FANCD2OS: variants seen among roughly 807,000 people sequenced by gnomAD.
FANCD2OS encodes the protein FANCD2 opposite strand protein.
FANCD2OS carries 11 observed loss-of-function variants against 13.2 expected under a neutral mutation model. The ratio of observed to expected loss-of-function variants is 0.83; its 90% CI spans 0.52 to 1.38. The LOEUF (loss-of-function observed/expected upper bound fraction) is 1.38. Among genes scored for constraint, FANCD2OS ranks in the 40% most tolerant of loss-of-function variants. FANCD2OS has a pLI of 0.00. For missense variants in FANCD2OS, 217 were observed against 213.9 expected, an observed-to-expected ratio of 1.01 and a Z score of -0.09; for synonymous variants, 69 against 84.5, an observed-to-expected ratio of 0.82 and a Z score of 1.01.
rs556548817 is a variant in FANCD2OS at position 10,088,921 on chromosome 3, A to G, written c.*44-7390T>C. ...AACTGATCAACTCTCCTAAAGATGC[A>G]TCTTCCTCCACATTCCCTACACTGA... On this transcript the variant is annotated intron_variant, in intron 2 of 2. Transcript: ENST00000524279. 171 of 1,614,082 alleles carry G rather than the reference A, an allele frequency of 1.1e-4. No homozygotes were observed. In the South Asian group the frequency reaches 1.7e-3, roughly 16 times the overall value.
chr3:10,105,013 C>T (rs1442605479), intron 1 of FANCD2OS, among the ~76,000 whole-genome samples: 1 of 152,136 alleles, frequency 6.6e-6, no homozygotes, highest in Non-Finnish European at 1.5e-5. Flanking sequence ...GTGGAGCGAT[C>T]TTGGCTCACT....
At chr3:10,086,061 G>A (rs1269580406) in intron 2 of FANCD2OS, 1 of 692,630 alleles carries the variant, frequency 1.4e-6, no homozygotes, top group Non-Finnish European at 2.7e-6. Flanking sequence ...TCATATATGA[G>A]CTTTCTCATC....
At chr3:10,083,084 G>T (rs1693945394) in intron 2 of FANCD2OS, among the ~76,000 whole-genome samples, 2 of 152,182 alleles carry the variant, frequency 1.3e-5, no homozygotes, top group East Asian at 3.9e-4. Flanking sequence ...AAAATTATCT[G>T]GGCATGGTGG....
chr3:10,081,398 A>C lies in FANCD2OS; in HGVS notation c.*177T>G, dbSNP rs1693826120. The C allele has an allele frequency of 2.5e-6, 4 of 1,614,142 alleles. No individual in the cohort carries two copies. The East Asian group carries it at 8.9e-5, about 36-fold the overall frequency. The stretch of plus-strand genomic sequence containing the variant: ...GTTGATGGACCAGGAGTGAAAGTTC[A>C]GGAGTACCACATAATGTCTTCCTGC... On this transcript the variant is annotated 3_prime_UTR_variant, in exon 3 of 3. Coordinates refer to the FANCD2OS transcript ENST00000524279.
chr3:10,088,418 T>A (rs781077760), intron 2 of FANCD2OS: 16 of 1,335,992 alleles, frequency 1.2e-5, no homozygotes, highest in Non-Finnish European at 1.6e-5. Flanking sequence ...AGTTCCCATA[T>A]GTAAGATTCC....
intron 2 of FANCD2OS, chr3:10,085,903 C>T: frequency 6.2e-7 from 1 of 1,611,556 alleles, no homozygotes; most frequent in Non-Finnish European, 8.5e-7. Context: ...ACACAGCCAG[C>T]CTTTGGAGGA....
chr3:10,106,316 TG>T (rs1344212880), intron 1 of FANCD2OS, among the ~76,000 whole-genome samples: 2 of 152,232 alleles, frequency 1.3e-5, no homozygotes, highest in Non-Finnish European at 2.9e-5. Context: ...TAAAAAGGGC[TG>T]TGAGGATATT....
downstream of FANCD2OS, chr3:10,098,873 C>G: frequency 6.2e-7 from 1 of 1,614,156 alleles, no homozygotes; most frequent in Non-Finnish European, 8.5e-7. Context: ...GTTAATTGTT[C>G]TAAGTTGGTG....
chr3:10,098,593 C>G, downstream of FANCD2OS: 1 of 1,119,440 alleles, frequency 8.9e-7, no homozygotes, highest in South Asian at 1.5e-5. Context: ...AAGTTGGTAT[C>G]CATGTTTGCT....
chr3:10,096,872 AC>A (rs1694997597), intron 2 of FANCD2OS, among the ~76,000 whole-genome samples: 1 of 152,184 alleles, frequency 6.6e-6, no homozygotes, highest in Non-Finnish European at 1.5e-5. Context: ...TCCAGAAATT[AC>A]AAATTAATCT....
chr3:10,088,673 C>A, intron 2 of FANCD2OS: 2 of 1,084,658 alleles, frequency 1.8e-6, no homozygotes, highest in Middle Eastern at 4.3e-4. Context: ...AAAATGAACA[C>A]AATTTGGAAC....
At chr3:10,092,391 TC>T in intron 2 of FANCD2OS, 1 of 761,196 alleles carries the variant, frequency 1.3e-6, no homozygotes, top group Non-Finnish European at 2.4e-6. Context: ...TCTTCCTTTG[TC>T]CCCCTACCCA....
exon 3 of FANCD2OS, chr3:10,081,347 G>A: frequency 1.2e-6 from 2 of 1,613,582 alleles, no homozygotes; most frequent in Non-Finnish European, 1.7e-6. Context: ...TATTTTTAGT[G>A]TTTAGCTGCT....
intron 2 of FANCD2OS, among the ~76,000 whole-genome samples, chr3:10,082,604 C>T (rs1020888737): frequency 1.3e-5 from 2 of 152,104 alleles, no homozygotes; most frequent in African/African-American, 4.8e-5. Flanking sequence ...ATAGCTTTTA[C>T]GTGGGAGGCT....
intron 2 of FANCD2OS, among the ~76,000 whole-genome samples, chr3:10,095,500 C>T (rs1280056531): frequency 6.6e-6 from 1 of 152,208 alleles, no homozygotes; most frequent in Non-Finnish European, 1.5e-5. Flanking sequence ...GCTCTTTTTC[C>T]TCTAGAAACT....
At chr3:10,097,683 C>G (rs1321982584) in intron 2 of FANCD2OS, among the ~76,000 whole-genome samples, 2 of 152,174 alleles carry the variant, frequency 1.3e-5, no homozygotes, top group African/African-American at 4.8e-5. Flanking sequence ...TTACAGGGTC[C>G]TGAGACTATA....
chr3:10,092,526 G>C (rs778797472), intron 2 of FANCD2OS, among the ~76,000 whole-genome samples: 3 of 145,550 alleles, frequency 2.1e-5, no homozygotes, highest in Non-Finnish European at 4.5e-5. Context: ...TTTTCACCTT[G>C]CCTTGGATCC....
At chr3:10,090,269 C>A in intron 2 of FANCD2OS, 1 of 1,561,714 alleles carries the variant, frequency 6.4e-7, no homozygotes, top group Non-Finnish European at 8.8e-7. Context: ...GGTGTGGGCA[C>A]GCATGCTTTT....
downstream of FANCD2OS, chr3:10,099,221 C>T (rs1187893687): frequency 1.0e-5 from 14 of 1,351,410 alleles, no homozygotes; most frequent in Admixed American, 3.2e-5. Flanking sequence ...TGGTGAAAGC[C>T]AAAGCACAGA....
Sources: gnomAD v4.1 joint callset for allele counts (sites outside exome capture counted in the v4.1 genomes callset) on GRCh38, gnomAD v4.1.1 for gene constraint, MANE v1.5 for transcripts, NCBI Gene and HGNC (gene_info 2026-07-23, HGNC 2026-07-21) for gene names.